The following PPIP5K2 variants were observed in gnomAD, a reference collection of about 807,000 sequenced individuals.
PPIP5K2 encodes diphosphoinositol pentakisphosphate kinase 2, also known as inositol hexakisphosphate and diphosphoinositol-pentakisphosphate kinase 2.
PPIP5K2 carries 105 observed loss-of-function variants against 154.6 expected under a neutral mutation model. The observed-to-expected ratio is 0.68, with a 90% CI of 0.58 to 0.80. The LOEUF is 0.80. PPIP5K2 is among the 30% of genes least tolerant of loss of function. PPIP5K2 has a pLI of 0.00. For missense variants in PPIP5K2, 992 were observed against 1,504.6 expected, an observed-to-expected ratio of 0.66 and a Z score of 5.64; for synonymous variants, 480 against 490.3, an observed-to-expected ratio of 0.98 and a Z score of 0.28.
At chr5:103,176,970 G>A in intron 21 of PPIP5K2, 3 of 1,277,656 alleles carry the variant, frequency 2.3e-6, no homozygotes, top group Non-Finnish European at 3.2e-6. Flanking sequence ...TCACTTCAGT[G>A]TAATAGGGAT....
rs71620680 is a variant in PPIP5K2 at position 103,137,163 on chromosome 5, A to ATTT, written c.401+356_401+358dup. The stretch of plus-strand genomic sequence containing the variant: ...TTAGGACTTTACTCATTATAACTAG[A>ATTT]TTTTTTTTTTTTTTTTTGAGATGGA... On this transcript the variant is annotated intron_variant, in intron 4 of 30. Coordinates refer to ENST00000358359, the MANE Select transcript of PPIP5K2 (RefSeq NM_001276277.3). Among the ~76,000 whole-genome samples the ATTT allele has an allele frequency of 8.3e-4, 116 of 139,904 alleles. 1 individual carries two copies. Among genetic ancestry groups the ATTT allele is most frequent in the African/African-American group, 2.7e-3 (104 of 37,988 alleles). The allele number at this position is 139,904 out of a possible 152,430, so 91.8% of individuals were successfully genotyped here.
chr5:103,177,735 G>A lies in PPIP5K2; in HGVS notation c.2598G>A (p.Met866Ile). ...YLNVVNELNY[M>I]TQIVIMLYED... Reference sequence around the variant, plus strand: ...ACGTTGTCAATGAGCTCAACTACATGACTCAGATTGTTATCATGCTTTATG... The same window carrying A: ...ACGTTGTCAATGAGCTCAACTACATAACTCAGATTGTTATCATGCTTTATG... The change falls in exon 22 of 31, where the codon ATG becomes ATA. Residue 866 changes from methionine to isoleucine, a missense_variant. This residue lies in a region of PPIP5K2 where 157 missense variants were observed against 281.2 expected (regional missense o/e 0.56). Coordinates refer to ENST00000358359, the MANE Select transcript of PPIP5K2 (RefSeq NM_001276277.3). 6.2e-7 allele frequency: 1 copy of A among 1,612,032 alleles called. No homozygotes were observed. Among genetic ancestry groups the A allele is most frequent in the Non-Finnish European group, 8.5e-7 (1 of 1,178,924 alleles).
intron 23 of PPIP5K2, among the ~76,000 whole-genome samples, chr5:103,179,463 G>A (rs1799183353): frequency 6.6e-6 from 1 of 152,012 alleles, no homozygotes; most frequent in South Asian, 2.1e-4. Flanking sequence ...TGCAATCTGG[G>A]ACTGTGTCTT....
At chr5:103,193,419 C>T (rs1258367575) in intron 29 of PPIP5K2, among the ~76,000 whole-genome samples, 3 of 151,846 alleles carry the variant, frequency 2.0e-5, no homozygotes, top group Non-Finnish European at 2.9e-5. Flanking sequence ...TAATCATTGT[C>T]TGTCCTTCCA....
chr5:103,175,079 T>C (rs1554220598), intron 21 of PPIP5K2, among the ~76,000 whole-genome samples: 1 of 152,130 alleles, frequency 6.6e-6, no homozygotes, highest in East Asian at 1.9e-4. Flanking sequence ...CGTATATTGG[T>C]ATACGCATCT....
chr5:103,173,261 CTG>C lies in PPIP5K2; in HGVS notation c.2395_2396del (p.Val799LysfsTer2). 1 of 1,611,456 alleles carries C rather than the reference CTG, an allele frequency of 6.2e-7. No homozygotes were observed. Among genetic ancestry groups the C allele is most frequent in the Non-Finnish European group, 8.5e-7 (1 of 1,178,328 alleles). ...CTTCAGAGGACACAAGATGATGACA[CTG>C]TAAATAAACTTCATCCTGTGTAAGA... On this transcript the variant is annotated frameshift_variant, in exon 20 of 31. Transcript: ENST00000358359. LOFTEE classifies it high-confidence loss of function.
chr5:103,198,739 A>C (rs1554229353), intron 30 of PPIP5K2, among the ~76,000 whole-genome samples: 1 of 152,162 alleles, frequency 6.6e-6, no homozygotes, highest in Non-Finnish European at 1.5e-5. Flanking sequence ...GCATTCTAAC[A>C]ATATCTGCCT....
intron 5 of PPIP5K2, 97 bp downstream of exon 5, chr5:103,138,566 C>A: frequency 1.4e-6 from 1 of 700,714 alleles, no homozygotes; most frequent in Non-Finnish European, 2.4e-6. Context: ...TTAAAGAATT[C>A]ATAGTATTCT....
chr5:103,148,376 C>T (rs1441478610), intron 7 of PPIP5K2: 1 of 252,268 alleles, frequency 4.0e-6, no homozygotes, highest in Non-Finnish European at 7.9e-6. Context: ...TAATAACCAC[C>T]ACAGTTTCCA....
chr5:103,139,447 A>G (rs533022619), intron 5 of PPIP5K2, among the ~76,000 whole-genome samples: 6 of 152,286 alleles, frequency 3.9e-5, no homozygotes, highest in African/African-American at 1.4e-4. Context: ...AGTTTGTAGC[A>G]TTCCTGGACT....
chr5:103,174,159 A>G, intron 21 of PPIP5K2, 187 bp downstream of exon 21: 1 of 472,336 alleles, frequency 2.1e-6, no homozygotes, highest in East Asian at 3.6e-5. Flanking sequence ...TTCTCTTCAG[A>G]GAAGATACAT....
intron 1 of PPIP5K2, among the ~76,000 whole-genome samples, chr5:103,126,098 C>T (rs1789627093): frequency 6.6e-6 from 1 of 152,066 alleles, no homozygotes; most frequent in African/African-American, 2.4e-5. Context: ...ATGTTTCTTA[C>T]CTGGAATGTT....
chr5:103,195,060 A>C, intron 30 of PPIP5K2, 35 bp downstream of exon 30: 1 of 1,591,904 alleles, frequency 6.3e-7, no homozygotes, highest in Non-Finnish European at 8.5e-7. Context: ...GTGGATTTGC[A>C]CAGAAATTAG....
chr5:103,154,474 C>A (rs1278407051), intron 11 of PPIP5K2, among the ~76,000 whole-genome samples, 196 bp from the exon 12 acceptor site: 1 of 151,964 alleles, frequency 6.6e-6, no homozygotes, highest in African/African-American at 2.4e-5. Context: ...AGTTTGGTAT[C>A]ATTTAGGAAA....
intron 3 of PPIP5K2, among the ~76,000 whole-genome samples, chr5:103,134,361 AC>A (rs1359260350): frequency 6.6e-6 from 1 of 152,158 alleles, no homozygotes; most frequent in African/African-American, 2.4e-5. Flanking sequence ...TGAATTTCCC[AC>A]TAAGAACTAT....
chr5:103,165,321 G>A (rs1554217455), intron 17 of PPIP5K2, among the ~76,000 whole-genome samples: 1 of 152,036 alleles, frequency 6.6e-6, no homozygotes, highest in African/African-American at 2.4e-5. Context: ...AAAAATTCGT[G>A]TATAACTTTT....
At position 103,180,063 on chromosome 5, in the gene PPIP5K2, C is replaced by A. The variant is rs73199725; in HGVS notation, c.2797C>A (p.Pro933Thr). 15 of 1,585,978 alleles carry A rather than the reference C, an allele frequency of 9.5e-6. No individual in the cohort carries two copies. Among genetic ancestry groups the A allele is most frequent in the African/African-American group, 2.7e-5 (2 of 72,930 alleles). ...TTTTAAAATTGATAATGATGATGAA[C>A]CACATACTTCTAAAAGAGATGAAGT... is the stretch of plus-strand genomic sequence containing the variant. ...RPFKIDNDDE[P>T]HTSKRDEVDR... is the part of the protein sequence containing the mutation. The change falls in exon 24 of 31, where the codon CCA becomes ACA. Residue 933 changes from proline (P) to threonine (T), a missense_variant. By Grantham distance (38) the Pro-to-Thr change is conservative (BLOSUM62 -1). Around this residue, in one of 9 missense-constraint regions of PPIP5K2, gnomAD observed 204 missense variants for 224.0 expected, o/e 0.91. Transcript: ENST00000358359.
rs151036890 is a variant in PPIP5K2 at position 103,211,341 on chromosome 5, C to G, written c.*9707C>G. 3.9e-5 allele frequency: 6 copies of G among 151,952 alleles called. No individual in the cohort carries two copies. The highest frequency in any genetic ancestry group is 8.8e-5 in the Non-Finnish European group (6 of 67,936). The allele number at this position is 151,952 out of a possible 1,614,324, so 9.4% of individuals were successfully genotyped here. A position where few individuals can be genotyped will look rare whatever the true frequency, so the allele number is the denominator to read the frequency against. On this transcript the variant is annotated 3_prime_UTR_variant, in exon 31 of 31. Transcript: ENST00000358359. ...CACTCCTCCCTCAAAAAAAATTGTC[C>G]CTAGAAAACTAGAGTGATCATAGGG...
At chr5:103,124,967 A>G (rs1156712452) in intron 1 of PPIP5K2, among the ~76,000 whole-genome samples, 1 of 152,234 alleles carries the variant, frequency 6.6e-6, no homozygotes, top group Non-Finnish European at 1.5e-5. Context: ...GTTATATGTG[A>G]CCAAAGGTCA....
Sources: allele counts gnomAD v4.1 joint callset (sites outside exome capture counted in the v4.1 genomes callset), GRCh38; gene constraint gnomAD v4.1.1; regional missense constraint gnomAD v4.1.1; transcripts MANE v1.5; gene names NCBI Gene and HGNC (gene_info 2026-07-23, HGNC 2026-07-21).